Variants in TMEM117 observed in about 807,000 individuals in gnomAD.
TMEM117 encodes transmembrane protein 117.
Under a neutral mutation model 52.4 loss-of-function variants are expected in TMEM117, and 27 were observed. The ratio of observed to expected loss-of-function variants is 0.51; its 90% CI spans 0.38 to 0.71. The LOEUF (loss-of-function observed/expected upper bound fraction) is 0.71, where lower values mean the gene tolerates loss of function less well. TMEM117 is among the 30% of genes least tolerant of loss of function. TMEM117 has a pLI of 0.00. For missense variants in TMEM117, 556 were observed against 630.5 expected, an observed-to-expected ratio of 0.88 and a Z score of 1.26; for synonymous variants, 215 against 206.3, an observed-to-expected ratio of 1.04 and a Z score of -0.36.
At chr12:43,902,746 A>G (rs1455981060) in intron 2 of TMEM117, among the ~76,000 whole-genome samples, 1 of 152,194 alleles carries the variant, frequency 6.6e-6, no homozygotes, top group Non-Finnish European at 1.5e-5. Flanking sequence ...TAATGGATAG[A>G]TTAGAGAACA....
rs553466077 is a variant in TMEM117 at position 43,922,989 on chromosome 12, T to G, written c.278-21221T>G. Among the ~76,000 whole-genome samples, 3 of 152,302 alleles carry G rather than the reference T, an allele frequency of 2.0e-5. No homozygotes were observed. The East Asian group carries it at 5.8e-4, about 29-fold the overall frequency. On this transcript the variant is annotated intron_variant, in intron 2 of 7. Coordinates refer to ENST00000266534, the MANE Select transcript of TMEM117 (RefSeq NM_032256.3). Reference sequence around the variant, plus strand: ...TACTAAACTCCAAAATTAAATAGATTTCCCTAGTCCCTGACAATACTAGGT... The same window carrying G: ...TACTAAACTCCAAAATTAAATAGATGTCCCTAGTCCCTGACAATACTAGGT...
intron 5 of TMEM117, among the ~76,000 whole-genome samples, chr12:44,272,660 AC>A (rs1459907705): frequency 6.6e-6 from 1 of 152,180 alleles, no homozygotes; most frequent in Non-Finnish European, 1.5e-5. Flanking sequence ...GCAAATCAAA[AC>A]CACAATGAGA....
chr12:44,352,959 T>G (rs1028340050), intron 6 of TMEM117, among the ~76,000 whole-genome samples: 3 of 152,130 alleles, frequency 2.0e-5, no homozygotes, highest in Admixed American at 2.0e-4. Flanking sequence ...CAGCACCTGT[T>G]GTTTCCTGAC....
At chr12:43,806,522 C>G in the TMEM117 span, 1 of 520,442 alleles carries the variant, frequency 1.9e-6, no homozygotes. Flanking sequence ...CCGCTTCTTC[C>G]GGGGGGGACA....
At chr12:44,153,559 T>C (rs1300163444) in intron 4 of TMEM117, among the ~76,000 whole-genome samples, 2 of 152,060 alleles carry the variant, frequency 1.3e-5, no homozygotes, top group Non-Finnish European at 2.9e-5. Context: ...ATTCCTATAT[T>C]CCTATTCCCT....
At chr12:44,131,293 G>A (rs895927891) in intron 3 of TMEM117, among the ~76,000 whole-genome samples, 1 of 152,024 alleles carries the variant, frequency 6.6e-6, no homozygotes, top group Non-Finnish European at 1.5e-5. Context: ...AATGATCTGG[G>A]AGTTCTCAAA....
chr12:44,079,326 C>T (rs993328781), intron 3 of TMEM117, among the ~76,000 whole-genome samples: 2 of 152,192 alleles, frequency 1.3e-5, no homozygotes, highest in Non-Finnish European at 2.9e-5. Flanking sequence ...TACACTCCCA[C>T]CAACAGTATA....
At chr12:43,862,285 C>T (rs1401906523) in intron 2 of TMEM117, among the ~76,000 whole-genome samples, 2 of 152,344 alleles carry the variant, frequency 1.3e-5, no homozygotes, top group South Asian at 2.1e-4. Context: ...TCTCCTGCCT[C>T]AGCCACGGGA....
Position 43,872,195 on chromosome 12 carries a change from G to A in TMEM117, c.277+27267G>A, listed in dbSNP as rs550393914. 3.9e-5 allele frequency among the ~76,000 whole-genome samples: 6 copies of A among 152,226 alleles called. No individual in the cohort carries two copies. The South Asian group carries it at 1.2e-3, about 32-fold the overall frequency. ...TTTAGCGGAGTGAGATGTGACTAAG[G>A]CATTTCAAAGCACTCTATCTTCAGA... On this transcript the variant is annotated intron_variant, in intron 2 of 7. Transcript: ENST00000266534.
intron 2 of TMEM117, among the ~76,000 whole-genome samples, chr12:43,883,066 A>C (rs368743001): frequency 6.6e-6 from 1 of 152,166 alleles, no homozygotes; most frequent in Non-Finnish European, 1.5e-5. Context: ...AAAGTTTCCA[A>C]TGGTGGTTTT....
intron 3 of TMEM117, among the ~76,000 whole-genome samples, chr12:43,946,679 T>C (rs905012883): frequency 6.6e-6 from 1 of 152,190 alleles, no homozygotes; most frequent in African/African-American, 2.4e-5. Context: ...GCCACTTTGT[T>C]GTTTAAAGGA....
intron 4 of TMEM117, among the ~76,000 whole-genome samples, chr12:44,149,514 TGTG>T (rs763795661): frequency 6.6e-6 from 1 of 152,194 alleles, no homozygotes; most frequent in Non-Finnish European, 1.5e-5. Context: ...CAACCTAAAA[TGTG>T]GTGATGTTTT....
Position 44,388,394 on chromosome 12 carries a change from C to T in TMEM117, c.1267C>T (p.Arg423Cys), listed in dbSNP as rs140040983. Residue 423 changes from arginine (R) to cysteine (C), a missense_variant, in exon 8 of 8, where the codon CGC (arginine) becomes TGC (cysteine). This residue lies in a region of TMEM117 where 206 missense variants were observed against 211.1 expected (regional missense o/e 0.98). Coordinates refer to ENST00000266534, the MANE Select transcript of TMEM117 (RefSeq NM_032256.3). ...FFGRFLKNEP[R>C]MENQDKTYTR... ...TGGACGATTTTTGAAAAATGAGCCA[C>T]GCATGGAGAATCAAGACAAAACTTA... The T allele has an allele frequency of 3.1e-4, 496 of 1,613,208 alleles. No individual in the cohort carries two copies. The highest frequency in any genetic ancestry group is 3.9e-4 in the Non-Finnish European group (455 of 1,179,654).
chr12:44,269,467 C>T (rs1409751131), intron 5 of TMEM117, among the ~76,000 whole-genome samples: 1 of 152,008 alleles, frequency 6.6e-6, no homozygotes, highest in African/African-American at 2.4e-5. Context: ...CTGCCCCTCC[C>T]AGACTACTTT....
chr12:44,055,202 G>T (rs751345721), intron 3 of TMEM117, among the ~76,000 whole-genome samples: 1 of 152,124 alleles, frequency 6.6e-6, no homozygotes, highest in Non-Finnish European at 1.5e-5. Flanking sequence ...TTAGCAGGAA[G>T]CTCCTTTTTC....
At chr12:44,215,004 A>G (rs1245152975) in intron 5 of TMEM117, among the ~76,000 whole-genome samples, 1 of 152,208 alleles carries the variant, frequency 6.6e-6, no homozygotes, top group Non-Finnish European at 1.5e-5. Flanking sequence ...AAGGTTTTAG[A>G]TTAAATAAAA....
chr12:44,010,340 G>T, intron 3 of TMEM117: 1 of 431,944 alleles, frequency 2.3e-6, no homozygotes, highest in South Asian at 1.7e-5. Context: ...ATGTCTCCCT[G>T]CTGCTCTGGG....
intron 5 of TMEM117, among the ~76,000 whole-genome samples, chr12:44,219,567 T>A (rs946283198): frequency 5.3e-5 from 8 of 152,182 alleles, no homozygotes; most frequent in African/African-American, 1.9e-4. Flanking sequence ...AAAAGCCAGT[T>A]GCTGTTATTT....
At chr12:43,874,332 G>GCT (rs1344072737) in intron 2 of TMEM117, among the ~76,000 whole-genome samples, 1 of 151,994 alleles carries the variant, frequency 6.6e-6, no homozygotes, top group Non-Finnish European at 1.5e-5. Flanking sequence ...TGTTAGCCCA[G>GCT]CACTTTGGGA....
Sources: gnomAD v4.1 joint callset for allele counts (sites outside exome capture counted in the v4.1 genomes callset) on GRCh38, gnomAD v4.1.1 for gene constraint, gnomAD v4.1.1 regional missense constraint, MANE v1.5 for transcripts, NCBI Gene and HGNC (gene_info 2026-07-23, HGNC 2026-07-21) for gene names.